The following LRRC4B variants were observed in gnomAD, a reference collection of about 807,000 sequenced individuals.
LRRC4B encodes leucine rich repeat containing 4B.
A neutral mutation model predicts 7.3 loss-of-function variants in LRRC4B; 1 was observed. That is an observed-to-expected ratio of 0.14 (90% CI 0.05 to 0.65). LRRC4B has a LOEUF of 0.65. LRRC4B is among the 30% of genes least tolerant of loss of function. The probability of loss-of-function intolerance (pLI) is 0.84; values close to 1 mark genes in which losing one functional copy is unlikely to be tolerated. For synonymous variants in LRRC4B, 500 were observed against 499.2 expected, an observed-to-expected ratio of 1.00 and a Z score of -0.02; for missense variants, 730 against 1,041.6, an observed-to-expected ratio of 0.70 and a Z score of 4.12.
chr19:50,532,190 T>G (rs1426845707), intron 2 of LRRC4B, among the ~76,000 whole-genome samples: 2 of 152,038 alleles, frequency 1.3e-5, no homozygotes. Flanking sequence ...GAGCTGAAAT[T>G]GCACCACTGC....
At position 50,548,602 on chromosome 19, in the gene LRRC4B, C is replaced by A; in HGVS notation, c.237G>T (p.Glu79Asp). Residue 79 changes from glutamate to aspartate, a missense_variant, in exon 2 of 3, where the codon GAG becomes GAT. Coordinates refer to ENST00000652263, the MANE Select transcript of LRRC4B (RefSeq NM_001080457.2). This position sits in a 1 kb window ranked among gnomAD's most constrained non-coding sequence, Gnocchi z 6.8. ...RVICTRRDLA[E>D]VPASIPVNTR... is the part of the protein sequence containing the mutation. ...TGTTGACCGGGATGCTGGCTGGGAC[C>A]TCGGCCAGGTCTCTCCGTGTGCAGA... 1 of 1,602,166 alleles carries A rather than the reference C, an allele frequency of 6.2e-7. No individual in the cohort carries two copies.
At chr19:50,559,121 AAAAAAG>A (rs375775863) in intron 1 of LRRC4B, among the ~76,000 whole-genome samples, 2,957 of 152,262 alleles carry the variant, frequency 0.019, 55 homozygotes, top group African/African-American at 0.046. Flanking sequence ...AACTTCCAAA[AAAAAAG>A]AAAAAGAAAA....
At chr19:50,539,669 A>T (rs1981456451) in intron 2 of LRRC4B, among the ~76,000 whole-genome samples, 2 of 152,038 alleles carry the variant, frequency 1.3e-5, no homozygotes, top group South Asian at 4.1e-4. Flanking sequence ...CAGGTGGATC[A>T]CAAGGTCAGG....
At chr19:50,520,923 C>T (rs370696583) in intron 2 of LRRC4B, among the ~76,000 whole-genome samples, 1 of 152,180 alleles carries the variant, frequency 6.6e-6, no homozygotes, top group Non-Finnish European at 1.5e-5. Flanking sequence ...CAGATGTCCA[C>T]GCAACGGCTT....
At position 50,518,174 on chromosome 19, in the gene LRRC4B, C is replaced by A; in HGVS notation, c.1539G>T (p.Pro513=). 6.2e-7 allele frequency: 1 copy of A among 1,607,056 alleles called. No homozygotes were observed. Among genetic ancestry groups the A allele is most frequent in the Non-Finnish European group, 8.5e-7 (1 of 1,178,612 alleles). ...AGACACCGTCTGTCGTGGGCCCTGG[C>A]GGTTCCTTCTCCGTCCCCCGCGGCT... ...ALQPRGTEKE[P]PGPTTDGVWG... is the part of the protein sequence containing the mutation. The change falls in exon 3 of 3, where the codon CCG becomes CCT. Residue 513 remains proline, a synonymous_variant. Coordinates refer to ENST00000652263, the MANE Select transcript of LRRC4B (RefSeq NM_001080457.2).
chr19:50,528,760 G>A (rs1480921196), intron 2 of LRRC4B, among the ~76,000 whole-genome samples: 1 of 152,206 alleles, frequency 6.6e-6, no homozygotes, highest in African/African-American at 2.4e-5. Flanking sequence ...GGGTGTGAAT[G>A]TATTTGCAGG....
At position 50,537,724 on chromosome 19, in the gene LRRC4B, A is replaced by G. The variant is rs1257870559; in HGVS notation, c.297+10818T>C. On this transcript the variant is annotated intron_variant, in intron 2 of 2. Coordinates refer to ENST00000652263, the MANE Select transcript of LRRC4B (RefSeq NM_001080457.2). This position sits in a 1 kb window ranked among gnomAD's most constrained non-coding sequence, Gnocchi z 5.5. ...TGTGAGTCATCATGAGAAAAAGTTA[A>G]GAAGAAACTGACAAAGTATGGGAAA... Among the ~76,000 whole-genome samples, 3 of 152,210 alleles carry G rather than the reference A, an allele frequency of 2.0e-5. No homozygotes were observed. The highest frequency in any genetic ancestry group is 4.4e-5 in the Non-Finnish European group (3 of 68,034).
In LRRC4B at chr19:50,548,393, G is replaced by A; in HGVS notation, c.297+149C>T. On this transcript the variant is annotated intron_variant, in intron 2 of 2. Transcript: ENST00000652263. The surrounding 1 kb of genome is among the most constrained non-coding windows in gnomAD (Gnocchi z 6.8). ...ACTCCACCTCGGGAGCCCGGCTCCA[G>A]CTGATAGGATGCAGACCCGCAGGCC... 2.6e-6 allele frequency: 3 copies of A among 1,141,380 alleles called. No individual in the cohort carries two copies. The highest frequency in any genetic ancestry group is 3.7e-6 in the Non-Finnish European group (3 of 812,938). The allele number at this position is 1,141,380 out of a possible 1,614,324, so 70.7% of individuals were successfully genotyped here.
intron 1 of LRRC4B, among the ~76,000 whole-genome samples, chr19:50,558,882 A>G (rs1352692465): frequency 6.6e-6 from 1 of 152,238 alleles, no homozygotes; most frequent in Non-Finnish European, 1.5e-5. Context: ...GGGAGATCAC[A>G]GCTGGAGAAA....
At chr19:50,524,745 C>T (rs1252585096) in intron 2 of LRRC4B, among the ~76,000 whole-genome samples, 6 of 152,204 alleles carry the variant, frequency 3.9e-5, no homozygotes, top group Non-Finnish European at 8.8e-5. Context: ...GCTTCGAAAT[C>T]CAAGGAAACC....
chr19:50,559,454 A>C (rs1335238715), intron 1 of LRRC4B, among the ~76,000 whole-genome samples: 2 of 152,228 alleles, frequency 1.3e-5, no homozygotes, highest in African/African-American at 4.8e-5. Context: ...AAGAAAAAAA[A>C]CTGAACTTCC....
At chr19:50,566,720 G>T (rs949878069) in intron 1 of LRRC4B, among the ~76,000 whole-genome samples, 4 of 151,424 alleles carry the variant, frequency 2.6e-5, no homozygotes, top group African/African-American at 9.7e-5. Context: ...GATTGATGGT[G>T]AGTTGGAAGG....
intron 1 of LRRC4B, among the ~76,000 whole-genome samples, chr19:50,562,239 A>G (rs1007268782): frequency 6.6e-6 from 1 of 151,976 alleles, no homozygotes; most frequent in African/African-American, 2.4e-5. Flanking sequence ...GGCGACCTGC[A>G]GGGCGGCCCA....
chr19:50,527,639 C>T (rs1365983430), intron 2 of LRRC4B, among the ~76,000 whole-genome samples: 7 of 152,114 alleles, frequency 4.6e-5, no homozygotes, highest in South Asian at 2.1e-4. Flanking sequence ...GCTATACCTA[C>T]GTATGGACAT....
intron 1 of LRRC4B, chr19:50,557,926 T>C (rs2122923783): frequency 6.6e-6 from 1 of 152,264 alleles, no homozygotes; most frequent in African/African-American, 2.4e-5. Context: ...GATGATACAC[T>C]CCACTTAGTG....
rs778249828 is a variant in LRRC4B at position 50,518,420 on chromosome 19, C to T, written c.1293G>A (p.Thr431=). 3.8e-6 allele frequency: 6 copies of T among 1,565,862 alleles called. No individual in the cohort carries two copies. Among genetic ancestry groups the T allele is most frequent in the East Asian group, 4.5e-5 (2 of 44,530 alleles). Residue 431 remains threonine (T), a synonymous_variant, in exon 3 of 3, where the codon ACG becomes ACA. Coordinates refer to ENST00000652263, the MANE Select transcript of LRRC4B (RefSeq NM_001080457.2). ...TCGTCACCATGCACGTGTACTGGCCCGTGTCCTGCACGGTGACGTTGGTGA... is the reference window on the plus strand; with the variant it reads ...TCGTCACCATGCACGTGTACTGGCCTGTGTCCTGCACGGTGACGTTGGTGA... The part of the protein sequence containing the change: ...LNFTNVTVQD[T]GQYTCMVTNS...
intron 2 of LRRC4B, among the ~76,000 whole-genome samples, chr19:50,530,289 CT>C (rs537814749): frequency 5.3e-4 from 80 of 152,278 alleles, no homozygotes; most frequent in African/African-American, 1.8e-3. Context: ...GAAGTTCAGC[CT>C]GTATTGGAAG....
Position 50,548,744 on chromosome 19 carries a change from G to A in LRRC4B, c.95C>T (p.Pro32Leu), listed in dbSNP as rs915180730. The change falls in exon 2 of 3, where the codon CCA becomes CTA. Residue 32 changes from proline to leucine, a missense_variant. By Grantham distance (98) the Pro-to-Leu change is moderately conservative. Around this residue, in one of 6 missense-constraint regions of LRRC4B, gnomAD observed 143 missense variants for 158.4 expected, o/e 0.90. Coordinates refer to ENST00000652263, the MANE Select transcript of LRRC4B (RefSeq NM_001080457.2). The surrounding 1 kb of genome is among the most constrained non-coding windows in gnomAD (Gnocchi z 6.8). ...TCCACCTCCACCGGCCCCCAGGGGT[G>A]GGGAGAAGAGCCAGAGGAAGAGCAA... ...GALLFLWLFS[P>L]PLGAGGGGVA... 3 of 1,540,056 alleles carry A rather than the reference G, an allele frequency of 1.9e-6. No individual in the cohort carries two copies. In the Admixed American group the frequency reaches 5.9e-5, roughly 30 times the overall value.
rs543151610 is a variant in LRRC4B at position 50,532,462 on chromosome 19, A to G, written c.298-13047T>C. On this transcript the variant is annotated intron_variant, in intron 2 of 2. Coordinates refer to ENST00000652263, the MANE Select transcript of LRRC4B (RefSeq NM_001080457.2). ...TGCTGCCCTCTCCTTGACTCTAGCC[A>G]TAGTAGGGAGAAGAGAGATGCATGG... 2.0e-5 allele frequency among the ~76,000 whole-genome samples: 3 copies of G among 152,248 alleles called. No individual in the cohort carries two copies. In the East Asian group the frequency reaches 5.8e-4, roughly 29 times the overall value.
Sources: allele counts gnomAD v4.1 joint callset (sites outside exome capture counted in the v4.1 genomes callset), GRCh38; gene constraint gnomAD v4.1.1; regional missense constraint gnomAD v4.1.1; non-coding constraint Gnocchi (gnomAD v3.1); transcripts MANE v1.5; gene names NCBI Gene and HGNC (gene_info 2026-07-23, HGNC 2026-07-21).